The following CPQ variants were observed in gnomAD, a reference collection of about 807,000 sequenced individuals.
CPQ encodes the protein Ser-Met dipeptidase.
In CPQ, 37 loss-of-function variants were observed where a neutral mutation model predicts 45.7. The observed-to-expected ratio is 0.81, with a 90% CI of 0.62 to 1.07. The LOEUF (loss-of-function observed/expected upper bound fraction) is 1.07, where lower values mean the gene tolerates loss of function less well. CPQ is among the 50% of genes least tolerant of loss of function. The probability of loss-of-function intolerance (pLI) is 0.00; values close to 1 mark genes in which losing one functional copy is unlikely to be tolerated. For missense variants in CPQ, 537 were observed against 572.9 expected, an observed-to-expected ratio of 0.94 and a Z score of 0.64; for synonymous variants, 186 against 205.8, an observed-to-expected ratio of 0.90 and a Z score of 0.82.
intron 6 of CPQ, among the ~76,000 whole-genome samples, chr8:97,041,459 A>C (rs992926573): frequency 1.2e-4 from 19 of 152,136 alleles, no homozygotes; most frequent in Non-Finnish European, 2.4e-4. Context: ...CTCTTTTCCT[A>C]ATTGAATACC....
intron 4 of CPQ, among the ~76,000 whole-genome samples, chr8:96,939,531 A>C (rs913294160): frequency 6.6e-5 from 10 of 152,220 alleles, no homozygotes; most frequent in African/African-American, 2.4e-4. Flanking sequence ...ATGTTGAAAC[A>C]ATATATTATA....
chr8:97,016,011 TTCTC>T (rs942536164), intron 5 of CPQ, among the ~76,000 whole-genome samples: 134 of 152,194 alleles, frequency 8.8e-4, no homozygotes, highest in Middle Eastern at 3.4e-3. Context: ...AATTTTTTGT[TTCTC>T]TCAATTTTAA....
rs544282730 is a variant in CPQ, at chr8:97,090,759, C to T, written c.1255+24549C>T. 1.2e-4 allele frequency among the ~76,000 whole-genome samples: 18 copies of T among 152,278 alleles called. 1 individual carries two copies. In the South Asian group the frequency reaches 3.7e-3, roughly 32 times the overall value. ...TGTGTAAGACCTCATTTAAGAGCAG[C>T]AGGAGCTGAGTGGGGGACAGTTCTC... On this transcript the variant is annotated intron_variant, in intron 7 of 7. Transcript: ENST00000220763.
intron 3 of CPQ, among the ~76,000 whole-genome samples, chr8:96,837,399 G>A (rs1247906210): frequency 1.3e-5 from 2 of 152,136 alleles, no homozygotes; most frequent in African/African-American, 4.8e-5. Flanking sequence ...CATTTTTCAG[G>A]CCATCATCTT....
chr8:97,129,155 C>T (rs903931685), intron 7 of CPQ, among the ~76,000 whole-genome samples: 1 of 152,142 alleles, frequency 6.6e-6, no homozygotes, highest in Non-Finnish European at 1.5e-5. Flanking sequence ...TTTCAAAAAG[C>T]ACAGATTCAT....
chr8:96,999,703 G>A (rs1296657631), intron 5 of CPQ, among the ~76,000 whole-genome samples: 2 of 151,936 alleles, frequency 1.3e-5, no homozygotes, highest in African/African-American at 4.8e-5. Context: ...GTGAACATAT[G>A]TGTATGTGTC....
chr8:96,722,939 G>A (rs1160391629), intron 1 of CPQ, among the ~76,000 whole-genome samples: 1 of 152,146 alleles, frequency 6.6e-6, no homozygotes, highest in Non-Finnish European at 1.5e-5. Flanking sequence ...ATATGGCCCT[G>A]CTTAGTGAAA....
At chr8:96,746,077 A>G (rs1402093956) in intron 1 of CPQ, among the ~76,000 whole-genome samples, 1 of 152,108 alleles carries the variant, frequency 6.6e-6, no homozygotes, top group Non-Finnish European at 1.5e-5. Flanking sequence ...AGCCTCCTTA[A>G]CTCACTGCAG....
intron 7 of CPQ, among the ~76,000 whole-genome samples, chr8:97,100,666 T>C (rs1306978693): frequency 6.6e-6 from 1 of 152,150 alleles, no homozygotes; most frequent in East Asian, 1.9e-4. Flanking sequence ...TCAAGAAGAA[T>C]TTATAGGTTA....
At chr8:96,657,455 T>C (rs1369185771) in intron 1 of CPQ, among the ~76,000 whole-genome samples, 5 of 152,200 alleles carry the variant, frequency 3.3e-5, no homozygotes, top group Non-Finnish European at 7.3e-5. Context: ...TTTGATTCAG[T>C]GGCCTATTCA....
intron 3 of CPQ, among the ~76,000 whole-genome samples, chr8:96,858,039 C>T (rs1274827045): frequency 1.3e-5 from 2 of 152,156 alleles, no homozygotes; most frequent in Non-Finnish European, 2.9e-5. Context: ...TGTATGGCCA[C>T]TCTCCTAAGA....
chr8:96,995,213 C>T (rs1809157718), intron 5 of CPQ, among the ~76,000 whole-genome samples: 1 of 151,882 alleles, frequency 6.6e-6, no homozygotes, highest in African/African-American at 2.4e-5. Flanking sequence ...TATAATAATA[C>T]TTATAAGATT....
At chr8:96,777,725 T>C (rs1161085719) in intron 1 of CPQ, among the ~76,000 whole-genome samples, 8 of 4,294 alleles carry the variant, frequency 1.9e-3, no homozygotes, top group African/African-American at 6.3e-3. Context: ...TCTTAGAAAA[T>C]ATATATATAT....
At position 96,779,750 on chromosome 8, in the gene CPQ, C is replaced by T. The variant is rs137932556; in HGVS notation, c.-34-5114C>T. Among the ~76,000 whole-genome samples, 586 of 152,188 alleles carry T rather than the reference C, an allele frequency of 3.9e-3. 3 individuals are homozygous for T. The highest frequency in any genetic ancestry group is 0.013 in the African/African-American group (538 of 41,536). ...TGCTAATGAATAGATGTCTTATGAA[C>T]CTTTTTTTTGCACCAACAACACATT... On this transcript the variant is annotated intron_variant, in intron 1 of 7. Transcript: ENST00000220763.
intron 1 of CPQ, among the ~76,000 whole-genome samples, chr8:96,687,460 C>T (rs1199313676): frequency 2.6e-5 from 4 of 152,110 alleles, no homozygotes; most frequent in Non-Finnish European, 4.4e-5. Flanking sequence ...CTGCCTGCCT[C>T]GGCCTCCCAA....
intron 2 of CPQ, among the ~76,000 whole-genome samples, chr8:96,809,118 G>T (rs1811125452): frequency 6.6e-6 from 1 of 151,980 alleles, no homozygotes; most frequent in African/African-American, 2.4e-5. Flanking sequence ...ATGAGAATAA[G>T]GAATTATTGC....
At chr8:96,959,678 A>G (rs1205949175) in intron 4 of CPQ, among the ~76,000 whole-genome samples, 3 of 151,970 alleles carry the variant, frequency 2.0e-5, no homozygotes, top group Non-Finnish European at 2.9e-5. Context: ...CTAAATAATG[A>G]GTTATTTTTT....
rs191334774 is a variant in CPQ, at chr8:97,089,799, G to A, written c.1255+23589G>A. The stretch of plus-strand genomic sequence containing the variant: ...GGCCTTTTGGAAACACTTACCCCTG[G>A]ACCAGTAGTATTCAATGTGGTTAAC... On this transcript the variant is annotated intron_variant, in intron 7 of 7. Coordinates refer to ENST00000220763, the MANE Select transcript of CPQ (RefSeq NM_016134.4). Among the ~76,000 whole-genome samples the A allele has an allele frequency of 7.2e-5, 11 of 152,098 alleles. No individual in the cohort carries two copies. In the East Asian group the frequency reaches 2.1e-3, roughly 29 times the overall value.
chr8:96,885,311 A>C (rs1426219524), intron 4 of CPQ, among the ~76,000 whole-genome samples: 1 of 152,162 alleles, frequency 6.6e-6, no homozygotes, highest in East Asian at 1.9e-4. Context: ...TCCATTCCTG[A>C]TGGCAGAACC....
Sources: allele counts gnomAD v4.1 joint callset (sites outside exome capture counted in the v4.1 genomes callset), GRCh38; gene constraint gnomAD v4.1.1; transcripts MANE v1.5; gene names NCBI Gene and HGNC (gene_info 2026-07-23, HGNC 2026-07-21).